The following CNMD variants were observed in gnomAD, a reference collection of about 807,000 sequenced individuals.
The protein encoded by CNMD is chondromodulin.
In CNMD, 30 loss-of-function variants were observed where a neutral mutation model predicts 37.5. That is an observed-to-expected ratio of 0.80 (90% CI 0.60 to 1.09). The LOEUF (loss-of-function observed/expected upper bound fraction) is 1.09. Ranked by LOEUF, CNMD falls within the 50% of genes least tolerant of loss-of-function variation. The pLI is 0.00. For synonymous variants in CNMD, 167 were observed against 148.2 expected, an observed-to-expected ratio of 1.13 and a Z score of -0.92; for missense variants, 398 against 423.9, an observed-to-expected ratio of 0.94 and a Z score of 0.54.
intron 2 of CNMD, 126 bp downstream of exon 2, chr13:52,738,905 G>C (rs1964824017): frequency 3.7e-6 from 3 of 803,126 alleles, no homozygotes; most frequent in Non-Finnish European, 5.2e-6. Context: ...GATGGGAGAG[G>C]GGAGCTCACG....
intron 6 of CNMD, among the ~76,000 whole-genome samples, chr13:52,704,525 AGAACTGGAAG>A (rs1964143375): frequency 6.6e-6 from 1 of 152,158 alleles, no homozygotes. Flanking sequence ...GTGAGATTAC[AGAACTGGAAG>A]GAACTCCCAT....
At chr13:52,729,771 G>A (rs1446015977) in intron 3 of CNMD, among the ~76,000 whole-genome samples, 2 of 151,872 alleles carry the variant, frequency 1.3e-5, no homozygotes, top group African/African-American at 4.8e-5. Flanking sequence ...AAATTAAAAG[G>A]ATTATACAGT....
At position 52,739,445 on chromosome 13, in the gene CNMD, C is replaced by A; in HGVS notation, c.72+185G>T. The A allele has an allele frequency of 1.5e-6, 1 of 677,670 alleles. No individual in the cohort carries two copies. 42.0% of individuals were successfully genotyped at this position (677,670 alleles called of 1,614,324 possible). ...GCCACGGGACGTCCCTCCGCACCCG[C>A]CTGTGGATGCCGTGACCCCTGCACA... On this transcript the variant is annotated intron_variant, in intron 1 of 6. Transcript: ENST00000377962. This position sits in a 1 kb window ranked among gnomAD's most constrained non-coding sequence, Gnocchi z 5.4.
intron 6 of CNMD, 143 bp from the exon 7 acceptor site, chr13:52,703,953 A>T: frequency 1.5e-6 from 1 of 647,198 alleles, no homozygotes; most frequent in South Asian, 2.2e-5. Flanking sequence ...TTACCCTGTC[A>T]TTCATAATTC....
rs748191727 is a variant in CNMD, at chr13:52,712,713, T to C, written c.622+3A>G. Reference sequence around the variant, plus strand: ...AACAGCTTAAGATAATTTAAAATGTTACCTTTTGGATAGGTTGGTTTAAGC... The same window carrying C: ...AACAGCTTAAGATAATTTAAAATGTCACCTTTTGGATAGGTTGGTTTAAGC... On this transcript the variant is annotated splice_donor_region_variant and intron_variant, in intron 5 of 6. Transcript: ENST00000377962. The C allele has an allele frequency of 6.7e-7, 1 of 1,492,584 alleles. No homozygotes were observed. The highest frequency in any genetic ancestry group is 8.9e-7 in the Non-Finnish European group (1 of 1,120,350). The allele number at this position is 1,492,584 out of a possible 1,614,324, so 92.5% of individuals were successfully genotyped here. A position where few individuals can be genotyped will look rare whatever the true frequency, so the allele number is the denominator to read the frequency against.
rs79467245 is a variant in CNMD at position 52,725,482 on chromosome 13, T to C, written c.355-1372A>G. ...AAACAATATCTTCTCTTGGTCTGCC[T>C]AGGGACTGCCTCAAGGGAAACATCA... is the stretch of plus-strand genomic sequence containing the variant. On this transcript the variant is annotated intron_variant, in intron 3 of 6. Transcript: ENST00000377962. Among the ~76,000 whole-genome samples, 864 of 152,178 alleles carry C rather than the reference T, an allele frequency of 5.7e-3. 4 individuals carry two copies. The highest frequency in any genetic ancestry group is 0.02 in the African/African-American group (833 of 41,522).
intron 4 of CNMD, among the ~76,000 whole-genome samples, chr13:52,715,717 T>G (rs1964366700): frequency 6.6e-6 from 1 of 152,238 alleles, no homozygotes; most frequent in South Asian, 2.1e-4. Flanking sequence ...TTCTATGGTG[T>G]ACATGTGCCA....
chr13:52,721,038 G>A (rs1308475841), intron 4 of CNMD, among the ~76,000 whole-genome samples: 8 of 152,170 alleles, frequency 5.3e-5, no homozygotes, highest in Non-Finnish European at 7.4e-5. Context: ...TGGTTACAGC[G>A]GCTTTGAGGA....
At chr13:52,724,881 C>T (rs562913131) in intron 3 of CNMD, among the ~76,000 whole-genome samples, 13 of 152,002 alleles carry the variant, frequency 8.6e-5, no homozygotes, top group South Asian at 2.1e-4. Flanking sequence ...GGTGACAGAA[C>T]GAGGCTGTCT....
At chr13:52,719,684 C>T (rs1334126998) in intron 4 of CNMD, among the ~76,000 whole-genome samples, 2 of 152,190 alleles carry the variant, frequency 1.3e-5, no homozygotes, top group Non-Finnish European at 2.9e-5. Context: ...AGGGATTCTG[C>T]CAAGAGATCT....
In CNMD at chr13:52,733,342, G is replaced by A; in HGVS notation, c.231C>T (p.Tyr77=). The change falls in exon 3 of 7, where the codon TAC becomes TAT. Residue 77 remains tyrosine, a synonymous_variant. Coordinates refer to ENST00000377962, the MANE Select transcript of CNMD (RefSeq NM_007015.3). ...GSDSHIYNVH[Y]TMSINGKLQD... is the part of the protein sequence containing the mutation. ...GTAATTTCCCATTGATACTCATGGTGTAATGGACATTGTAAATCTGAAAGT... is the reference window on the plus strand; with the variant it reads ...GTAATTTCCCATTGATACTCATGGTATAATGGACATTGTAAATCTGAAAGT... 1 of 1,613,660 alleles carries A rather than the reference G, an allele frequency of 6.2e-7. No individual in the cohort carries two copies. Among genetic ancestry groups the A allele is most frequent in the Non-Finnish European group, 8.5e-7 (1 of 1,179,548 alleles).
Position 52,712,187 on chromosome 13 carries a change from C to T in CNMD, c.622+529G>A, listed in dbSNP as rs1964299986. On this transcript the variant is annotated intron_variant, in intron 5 of 6. Transcript: ENST00000377962. ...AAATAGCTCAAAGATATGCTCCAGC[C>T]TAGCTGTGAACCCCAGGGAGTCTGC... Among the ~76,000 whole-genome samples, 4 of 102,074 alleles carry T rather than the reference C, an allele frequency of 3.9e-5. No homozygotes were observed. In the South Asian group the frequency reaches 1.6e-3, roughly 41 times the overall value. The allele number at this position is 102,074 out of a possible 152,430, so 67.0% of individuals were successfully genotyped here.
chr13:52,726,412 C>T (rs979981542), intron 3 of CNMD, among the ~76,000 whole-genome samples: 1 of 152,082 alleles, frequency 6.6e-6, no homozygotes. Context: ...TATCAAAAAT[C>T]CCCTGGGTCC....
At chr13:52,704,596 G>T (rs968696719) in intron 6 of CNMD, among the ~76,000 whole-genome samples, 39 of 152,252 alleles carry the variant, frequency 2.6e-4, no homozygotes, top group African/African-American at 9.4e-4. Context: ...TTGGGGACTT[G>T]TAAGGGTGGA....
chr13:52,729,801 A>G (rs1311088514), intron 3 of CNMD, among the ~76,000 whole-genome samples: 2 of 151,954 alleles, frequency 1.3e-5, no homozygotes, highest in Non-Finnish European at 2.9e-5. Context: ...TATGCCCATC[A>G]GTTTATTCTT....
In CNMD at chr13:52,739,673, A is replaced by G. The variant is rs1042388285; in HGVS notation, c.29T>C (p.Ile10Thr). Residue 10 changes from isoleucine (I) to threonine (T), a missense_variant, in exon 1 of 7, where the codon ATT becomes ACT. Physicochemically the swap from Ile to Thr is moderately conservative, Grantham distance 89. Transcript: ENST00000377962. This position sits in a 1 kb window ranked among gnomAD's most constrained non-coding sequence, Gnocchi z 5.4. ...CACGTCATCAGGTCCCACCAGGGCA[A>G]TGGGAACTTTGTCGGAGTTCTCTGT... MTENSDKVP[I>T]ALVGPDDVEF... The G allele has an allele frequency of 7.4e-6, 12 of 1,614,034 alleles. No individual in the cohort carries two copies. The highest frequency in any genetic ancestry group is 9.3e-6 in the Non-Finnish European group (11 of 1,180,008).
intron 3 of CNMD, among the ~76,000 whole-genome samples, chr13:52,732,474 A>G (rs1964689072): frequency 1.3e-5 from 2 of 152,238 alleles, no homozygotes. Context: ...AATCAAAACA[A>G]AACAGTCTCC....
intron 3 of CNMD, among the ~76,000 whole-genome samples, chr13:52,726,993 C>G (rs912890812): frequency 4.6e-5 from 7 of 152,156 alleles, no homozygotes; most frequent in African/African-American, 1.7e-4. Context: ...AAGCCAGGCA[C>G]AGTGGCTCAC....
chr13:52,729,075 T>G (rs117329148), intron 3 of CNMD, among the ~76,000 whole-genome samples: 1 of 152,200 alleles, frequency 6.6e-6, no homozygotes, highest in Non-Finnish European at 1.5e-5. Context: ...CATTCTTTTT[T>G]CAAAACAGTG....
Sources: allele counts gnomAD v4.1 joint callset (sites outside exome capture counted in the v4.1 genomes callset), GRCh38; gene constraint gnomAD v4.1.1; non-coding constraint Gnocchi (gnomAD v3.1); transcripts MANE v1.5; gene names NCBI Gene and HGNC (gene_info 2026-07-23, HGNC 2026-07-21).